Variants in PXDNL observed in about 807,000 individuals in gnomAD.
PXDNL encodes peroxidasin like.
A neutral mutation model predicts 150.8 loss-of-function variants in PXDNL; 145 were observed. The observed-to-expected ratio is 0.96, with a 90% confidence interval of 0.84 to 1.10. The LOEUF is 1.10. PXDNL is among the 50% of genes least tolerant of loss of function. PXDNL has a pLI of 0.00. For missense variants in PXDNL, 2,087 were observed against 1,873.9 expected, an observed-to-expected ratio of 1.11 and a Z score of -2.10; for synonymous variants, 757 against 725.7, an observed-to-expected ratio of 1.04 and a Z score of -0.69.
At chr8:51,358,800 G>C (rs1806607357) in intron 19 of PXDNL, among the ~76,000 whole-genome samples, 1 of 152,142 alleles carries the variant, frequency 6.6e-6, no homozygotes, top group Non-Finnish European at 1.5e-5. Flanking sequence ...AAGTGGCATA[G>C]GAATATAGAG....
At chr8:51,657,000 G>T (rs1472287811) in intron 1 of PXDNL, among the ~76,000 whole-genome samples, 2 of 152,012 alleles carry the variant, frequency 1.3e-5, no homozygotes, top group African/African-American at 4.8e-5. Context: ...ACGGGGTTAT[G>T]TCCTTATAAA....
At chr8:51,531,191 C>G (rs1397140045) in intron 4 of PXDNL, among the ~76,000 whole-genome samples, 4 of 152,214 alleles carry the variant, frequency 2.6e-5, no homozygotes, top group African/African-American at 9.6e-5. Flanking sequence ...TCAGCTAAAG[C>G]TGTCTAGAGC....
At chr8:51,653,119 T>C (rs2130799419) in intron 2 of PXDNL, among the ~76,000 whole-genome samples, 1 of 152,340 alleles carries the variant, frequency 6.6e-6, no homozygotes, top group South Asian at 2.1e-4. Context: ...GAAATACTCA[T>C]TAGAAGATAC....
intron 17 of PXDNL, among the ~76,000 whole-genome samples, chr8:51,383,112 G>C (rs754303208): frequency 1.3e-5 from 2 of 152,144 alleles, no homozygotes; most frequent in Non-Finnish European, 2.9e-5. Context: ...ACTTTCCTTA[G>C]AGGGAAGTCT....
At chr8:51,420,586 T>C (rs1382932395) in intron 14 of PXDNL, among the ~76,000 whole-genome samples, 1 of 152,244 alleles carries the variant, frequency 6.6e-6, no homozygotes, top group Admixed American at 6.5e-5. Context: ...TGTATTATTA[T>C]CTCCTTATAG....
At chr8:51,435,704 AC>A (rs1563411249) in intron 12 of PXDNL, 1 of 281,612 alleles carries the variant, frequency 3.6e-6, no homozygotes, top group Non-Finnish European at 7.3e-6. Flanking sequence ...GCTGGGCACC[AC>A]CGCAGAGGAG....
At chr8:51,759,051 T>A (rs13263767) in intron 1 of PXDNL, among the ~76,000 whole-genome samples, 9,659 of 152,110 alleles carry the variant, frequency 0.064, 391 homozygotes, top group Non-Finnish European at 0.087. Context: ...GAATGGACCA[T>A]GAGAATAGGA....
chr8:51,385,103 C>T (rs927282351), intron 17 of PXDNL, among the ~76,000 whole-genome samples: 1 of 151,994 alleles, frequency 6.6e-6, no homozygotes, highest in African/African-American at 2.4e-5. Flanking sequence ...CATGTTTGAA[C>T]AATACTTACA....
At chr8:51,683,402 T>C (rs1375906477) in intron 1 of PXDNL, among the ~76,000 whole-genome samples, 1 of 151,578 alleles carries the variant, frequency 6.6e-6, no homozygotes, top group Non-Finnish European at 1.5e-5. Context: ...CTTTAGCCTA[T>C]TTTAAAAATC....
intron 7 of PXDNL, among the ~76,000 whole-genome samples, chr8:51,473,585 A>G (rs1810400035): frequency 1.3e-5 from 2 of 152,126 alleles, no homozygotes; most frequent in Admixed American, 1.3e-4. Context: ...AGTTGGCTAC[A>G]ACACTGAGAA....
intron 2 of PXDNL, among the ~76,000 whole-genome samples, chr8:51,649,158 C>T (rs1016794638): frequency 6.6e-6 from 1 of 152,096 alleles, no homozygotes; most frequent in Non-Finnish European, 1.5e-5. Flanking sequence ...AAAAGAGAAA[C>T]CTCTTTGGCT....
intron 17 of PXDNL, among the ~76,000 whole-genome samples, chr8:51,382,590 A>T (rs1226606273): frequency 6.6e-6 from 1 of 152,162 alleles, no homozygotes; most frequent in Non-Finnish European, 1.5e-5. Context: ...CATTCAATTA[A>T]TTTTTTAATA....
At chr8:51,756,832 G>A (rs544366702) in intron 1 of PXDNL, among the ~76,000 whole-genome samples, 105 of 151,394 alleles carry the variant, frequency 6.9e-4, no homozygotes, top group Non-Finnish European at 8.4e-4. Context: ...AGACATTCTA[G>A]CTTCAAATTC....
chr8:51,731,783 C>T (rs1350113302), intron 1 of PXDNL, among the ~76,000 whole-genome samples: 1 of 152,224 alleles, frequency 6.6e-6, no homozygotes, highest in Non-Finnish European at 1.5e-5. Flanking sequence ...AAGCTTGGGG[C>T]TTGCACCCTC....
intron 4 of PXDNL, among the ~76,000 whole-genome samples, chr8:51,525,657 T>TA (rs563751384): frequency 6.6e-6 from 1 of 151,950 alleles, no homozygotes; most frequent in Non-Finnish European, 1.5e-5. Flanking sequence ...AAAATAAAAA[T>TA]AAAAAACCCT....
Position 51,409,450 on chromosome 8 carries a change from G to T in PXDNL, c.2174C>A (p.Ala725Glu). The stretch of plus-strand genomic sequence containing the variant: ...CGTGCCGTCGTGGGCGCGGTACTTC[G>T]CATGGAAACACCGGTTGGAGCAGTT... ...LPNCSNRCFH[A>E]KYRAHDGTCN... is the part of the protein sequence containing the mutation. Residue 725 changes from alanine (A) to glutamate (E), a missense_variant, in exon 17 of 23, where the codon GCG becomes GAG. Coordinates refer to ENST00000356297, the MANE Select transcript of PXDNL (RefSeq NM_144651.5). 1.9e-6 allele frequency: 3 copies of T among 1,612,674 alleles called. No individual in the cohort carries two copies. The highest frequency in any genetic ancestry group is 2.5e-6 in the Non-Finnish European group (3 of 1,179,744).
chr8:51,597,309 T>G (rs547102247), intron 2 of PXDNL, among the ~76,000 whole-genome samples: 2 of 152,358 alleles, frequency 1.3e-5, no homozygotes, highest in South Asian at 2.1e-4. Flanking sequence ...TACTGTGGCC[T>G]TCTAATATAG....
chr8:51,658,344 G>GAAAAAAAAAAAAA (rs34771782), intron 1 of PXDNL, among the ~76,000 whole-genome samples: 4 of 94,228 alleles, frequency 4.2e-5, no homozygotes, highest in East Asian at 3.0e-4. Flanking sequence ...CCTGTCTCAA[G>GAAAAAAAAAAAAA]AAAAAAAAAA....
At chr8:51,583,628 A>C (rs963882749) in intron 3 of PXDNL, among the ~76,000 whole-genome samples, 1 of 152,200 alleles carries the variant, frequency 6.6e-6, no homozygotes, top group Non-Finnish European at 1.5e-5. Flanking sequence ...CATAGATTTT[A>C]TGAGGACAGA....
Sources: allele counts gnomAD v4.1 joint callset (sites outside exome capture counted in the v4.1 genomes callset), GRCh38; gene constraint gnomAD v4.1.1; transcripts MANE v1.5; gene names NCBI Gene and HGNC (gene_info 2026-07-23, HGNC 2026-07-21).